The following ANKS1B variants were observed in gnomAD, a reference collection of about 807,000 sequenced individuals.
The protein encoded by ANKS1B is ankyrin repeat and sterile alpha motif domain containing 1B.
A neutral mutation model predicts 148.3 loss-of-function variants in ANKS1B; 36 were observed. The ratio of observed to expected loss-of-function variants is 0.24; its 90% confidence interval spans 0.19 to 0.32. ANKS1B has a LOEUF of 0.32. Among genes scored for constraint, ANKS1B ranks in the 10% least tolerant of loss-of-function variants. The pLI is 1.00. For missense variants in ANKS1B, 1,157 were observed against 1,542.6 expected, an observed-to-expected ratio of 0.75 and a Z score of 4.19; for synonymous variants, 542 against 560.8, an observed-to-expected ratio of 0.97 and a Z score of 0.47.
At chr12:99,415,379 T>C (rs1263148338) in intron 11 of ANKS1B, among the ~76,000 whole-genome samples, 2 of 152,118 alleles carry the variant, frequency 1.3e-5, no homozygotes, top group African/African-American at 2.4e-5. Context: ...CAGCAGGAAA[T>C]AATTATGCAA....
At chr12:98,777,735 T>C (rs2098693947) in intron 24 of ANKS1B, among the ~76,000 whole-genome samples, 1 of 152,258 alleles carries the variant, frequency 6.6e-6, no homozygotes, top group South Asian at 2.1e-4. Context: ...TGCTAGGCAA[T>C]ACATTTATGA....
At chr12:99,914,902 G>T (rs1335248244) in intron 1 of ANKS1B, among the ~76,000 whole-genome samples, 2 of 152,024 alleles carry the variant, frequency 1.3e-5, no homozygotes, top group Non-Finnish European at 2.9e-5. Flanking sequence ...ATTGCCTCTA[G>T]ACCAGTAACT....
intron 9 of ANKS1B, among the ~76,000 whole-genome samples, chr12:99,625,553 T>C (rs531635954): frequency 2.0e-4 from 30 of 152,164 alleles, no homozygotes; most frequent in Non-Finnish European, 3.8e-4. Flanking sequence ...GAACAATAAA[T>C]AAACATTAAA....
intron 3 of ANKS1B, among the ~76,000 whole-genome samples, chr12:99,809,095 T>C (rs572613832): frequency 6.6e-6 from 1 of 152,206 alleles, no homozygotes; most frequent in Admixed American, 6.5e-5. Flanking sequence ...TTGAAATAAA[T>C]AGGCTGTGAT....
intron 11 of ANKS1B, among the ~76,000 whole-genome samples, chr12:99,427,329 G>A (rs2095276776): frequency 1.3e-5 from 2 of 152,128 alleles, no homozygotes; most frequent in Admixed American, 1.3e-4. Context: ...CTCACACTGA[G>A]CTCCAGTCAT....
At chr12:99,738,912 G>A (rs191608849) in intron 8 of ANKS1B, among the ~76,000 whole-genome samples, 20 of 152,210 alleles carry the variant, frequency 1.3e-4, no homozygotes, top group African/African-American at 4.3e-4. Context: ...TAGAGTTCAG[G>A]TGGACATTTG....
At chr12:99,549,202 G>C (rs924630534) in intron 9 of ANKS1B, among the ~76,000 whole-genome samples, 1 of 152,098 alleles carries the variant, frequency 6.6e-6, no homozygotes, top group Non-Finnish European at 1.5e-5. Context: ...CTATACCTCA[G>C]GGCACTAAAG....
intron 24 of ANKS1B, among the ~76,000 whole-genome samples, chr12:98,778,302 C>A (rs144253526): frequency 6.6e-6 from 1 of 152,118 alleles, no homozygotes; most frequent in East Asian, 1.9e-4. Context: ...ATGGCGAAAT[C>A]CCATCTCTAC....
intron 8 of ANKS1B, among the ~76,000 whole-genome samples, chr12:99,690,016 G>C (rs2098670458): frequency 6.6e-6 from 1 of 152,122 alleles, no homozygotes; most frequent in South Asian, 2.1e-4. Context: ...TGCTAGGGAG[G>C]CCTCAGGAAA....
chr12:99,958,212 C>T (rs2095352522), intron 1 of ANKS1B, among the ~76,000 whole-genome samples: 1 of 152,112 alleles, frequency 6.6e-6, no homozygotes, highest in Non-Finnish European at 1.5e-5. Flanking sequence ...TCCATGATGC[C>T]TGCTGAAAAC....
At chr12:99,617,965 A>T (rs1175606199) in intron 9 of ANKS1B, among the ~76,000 whole-genome samples, 1 of 152,200 alleles carries the variant, frequency 6.6e-6, no homozygotes, top group African/African-American at 2.4e-5. Context: ...AATTGAAATA[A>T]GTCAGAACTC....
Position 99,246,505 on chromosome 12 carries a change from C to A in ANKS1B, c.2116G>T (p.Ala706Ser). The A allele has an allele frequency of 6.2e-7, 1 of 1,613,874 alleles. No individual in the cohort carries two copies. Residue 706 changes from alanine to serine, a missense_variant, in exon 13 of 27, where the codon GCA (alanine) becomes TCA (serine). Coordinates refer to ENST00000683438, the MANE Select transcript of ANKS1B (RefSeq NM_001352186.2). ...SRNGDQWVMNAGGFVERACTL... is the reference protein window; with the variant it reads ...SRNGDQWVMNSGGFVERACTL... ...CAGGCTCTCTCCACAAATCCCCCTGCGTTCATAACCCACTGGTCCCCATTC... is the reference window on the plus strand; with the variant it reads ...CAGGCTCTCTCCACAAATCCCCCTGAGTTCATAACCCACTGGTCCCCATTC...
chr12:98,985,027 T>C (rs1342493742), intron 17 of ANKS1B, among the ~76,000 whole-genome samples: 1 of 152,124 alleles, frequency 6.6e-6, no homozygotes, highest in Non-Finnish European at 1.5e-5. Context: ...AATGAATAGA[T>C]AAACAAAAAA....
At chr12:99,681,936 A>G (rs763445749) in intron 8 of ANKS1B, among the ~76,000 whole-genome samples, 20 of 152,208 alleles carry the variant, frequency 1.3e-4, no homozygotes, top group Non-Finnish European at 2.5e-4. Flanking sequence ...TATTCCATGC[A>G]AACAGACACC....
intron 12 of ANKS1B, among the ~76,000 whole-genome samples, chr12:99,327,730 G>A (rs1422779590): frequency 6.7e-6 from 1 of 150,212 alleles, no homozygotes; most frequent in Non-Finnish European, 1.5e-5. Flanking sequence ...TTATATAATA[G>A]ATAATATTCA....
At chr12:98,916,493 C>T (rs1356743209) in intron 17 of ANKS1B, among the ~76,000 whole-genome samples, 2 of 152,224 alleles carry the variant, frequency 1.3e-5, no homozygotes, top group Non-Finnish European at 2.9e-5. Context: ...CATGGAAATG[C>T]ACTGGACGAG....
intron 12 of ANKS1B, among the ~76,000 whole-genome samples, chr12:99,341,464 G>T (rs1288075781): frequency 2.0e-5 from 3 of 152,080 alleles, no homozygotes; most frequent in Non-Finnish European, 2.9e-5. Context: ...AGATTTAAGA[G>T]ATTTCACTAA....
At chr12:99,533,831 T>C (rs2097030067) in intron 9 of ANKS1B, among the ~76,000 whole-genome samples, 1 of 152,126 alleles carries the variant, frequency 6.6e-6, no homozygotes, top group South Asian at 2.1e-4. Flanking sequence ...GAGTAGACTT[T>C]CAAAATATTG....
chr12:99,913,443 G>T (rs1305643579), intron 1 of ANKS1B, among the ~76,000 whole-genome samples: 1 of 152,104 alleles, frequency 6.6e-6, no homozygotes, highest in Non-Finnish European at 1.5e-5. Context: ...CTCATGTAAG[G>T]ATTTTCCTGA....
Sources: gnomAD v4.1 joint callset for allele counts (sites outside exome capture counted in the v4.1 genomes callset) on GRCh38, gnomAD v4.1.1 for gene constraint, MANE v1.5 for transcripts, NCBI Gene and HGNC (gene_info 2026-07-23, HGNC 2026-07-21) for gene names.